The following PRR16 variants were observed in gnomAD, a reference collection of about 807,000 sequenced individuals.
PRR16 encodes protein Largen.
A neutral mutation model predicts 18.2 loss-of-function variants in PRR16; 6 were observed. The observed-to-expected ratio is 0.33, with a 90% CI of 0.18 to 0.65. The LOEUF (loss-of-function observed/expected upper bound fraction) is 0.65. PRR16 is among the 30% of genes least tolerant of loss of function. The pLI, the probability that PRR16 is intolerant of heterozygous loss-of-function variation, is 0.74. For missense variants in PRR16, 412 were observed against 376.6 expected, an observed-to-expected ratio of 1.09 and a Z score of -0.78; for synonymous variants, 151 against 147.8, an observed-to-expected ratio of 1.02 and a Z score of -0.16.
At chr5:120,535,099 G>GT (rs1554081425) in intron 1 of PRR16, among the ~76,000 whole-genome samples, 16 of 151,954 alleles carry the variant, frequency 1.1e-4, no homozygotes, top group South Asian at 4.2e-4. Flanking sequence ...GTGTGTGTGT[G>GT]TGTGTAAAAG....
rs529568723 is a variant in PRR16 at position 120,466,080 on chromosome 5, T to A, written c.159+1435T>A. On this transcript the variant is annotated intron_variant, in intron 1 of 1. Coordinates refer to ENST00000407149, the MANE Select transcript of PRR16 (RefSeq NM_001300783.2). ...AGGTTACTCCACAGACAGAACATAA[T>A]TAGTACTGAGGTCCTGAGAGTGGCT... is the stretch of plus-strand genomic sequence containing the variant. Among the ~76,000 whole-genome samples, 8 of 152,280 alleles carry A rather than the reference T, an allele frequency of 5.3e-5. No homozygotes were observed. In the East Asian group the frequency reaches 9.7e-4, roughly 18 times the overall value.
At chr5:120,776,676 G>A in the PRR16 span, among the ~76,000 whole-genome samples, 1 of 150,630 alleles carries the variant, frequency 6.6e-6, no homozygotes, top group Non-Finnish European at 1.5e-5. Flanking sequence ...TTTCAAAACA[G>A]AGAGATAACA....
At chr5:120,493,935 G>A (rs1376007673) in intron 1 of PRR16, among the ~76,000 whole-genome samples, 1 of 151,986 alleles carries the variant, frequency 6.6e-6, no homozygotes, top group African/African-American at 2.4e-5. Flanking sequence ...ACATTCACCG[G>A]CTGAAGGACA....
chr5:120,473,164 C>G (rs935806237), intron 1 of PRR16, among the ~76,000 whole-genome samples: 8 of 152,058 alleles, frequency 5.3e-5, no homozygotes, highest in African/African-American at 1.9e-4. Flanking sequence ...ACACTGTAGG[C>G]TATTATGAAT....
the PRR16 span, among the ~76,000 whole-genome samples, chr5:120,731,481 T>A: frequency 1.3e-5 from 2 of 152,092 alleles, no homozygotes; most frequent in Non-Finnish European, 2.9e-5. Context: ...ATTATGTTGG[T>A]AATTGCAATC....
the PRR16 span, among the ~76,000 whole-genome samples, chr5:120,756,764 A>G: frequency 6.6e-6 from 1 of 152,000 alleles, no homozygotes; most frequent in Non-Finnish European, 1.5e-5. Context: ...CTGCATTGAT[A>G]GTTTCTTTTG....
chr5:120,608,977 G>A (rs888833844), intron 1 of PRR16, among the ~76,000 whole-genome samples: 2 of 152,108 alleles, frequency 1.3e-5, no homozygotes, highest in African/African-American at 2.4e-5. Context: ...ATTCTGTTAA[G>A]AAAATTAATC....
chr5:120,505,493 G>C (rs1580660501), intron 1 of PRR16, among the ~76,000 whole-genome samples: 1 of 152,120 alleles, frequency 6.6e-6, no homozygotes, highest in Non-Finnish European at 1.5e-5. Context: ...TTGAGTAGTT[G>C]AAACTGAAAT....
chr5:120,632,229 T>C (rs1272350230), intron 1 of PRR16, among the ~76,000 whole-genome samples: 4 of 152,124 alleles, frequency 2.6e-5, no homozygotes, highest in African/African-American at 9.7e-5. Context: ...CAAAAGAATC[T>C]GAACAGCAAC....
chr5:120,560,048 G>A (rs771457489), intron 1 of PRR16, among the ~76,000 whole-genome samples: 7 of 151,708 alleles, frequency 4.6e-5, no homozygotes, highest in Non-Finnish European at 1.0e-4. Context: ...GAGTCTTTAG[G>A]TTTTTCTAAA....
At chr5:120,612,326 T>C (rs551656228) in intron 1 of PRR16, among the ~76,000 whole-genome samples, 2 of 152,166 alleles carry the variant, frequency 1.3e-5, no homozygotes, top group East Asian at 3.9e-4. Context: ...GAAGGCATGA[T>C]TGGTTTTGAA....
At chr5:120,702,792 G>A in the PRR16 span, among the ~76,000 whole-genome samples, 3 of 152,158 alleles carry the variant, frequency 2.0e-5, no homozygotes, top group Non-Finnish European at 4.4e-5. Flanking sequence ...TTGGAGAAGA[G>A]AGTAAGAAGA....
intron 1 of PRR16, among the ~76,000 whole-genome samples, chr5:120,619,688 T>C (rs933960971): frequency 7.3e-4 from 111 of 152,234 alleles, no homozygotes; most frequent in African/African-American, 2.7e-3. Context: ...TATTAAAATA[T>C]AGTAAAGCAG....
chr5:120,496,156 A>G (rs1750238227), intron 1 of PRR16, among the ~76,000 whole-genome samples: 1 of 152,062 alleles, frequency 6.6e-6, no homozygotes, highest in African/African-American at 2.4e-5. Context: ...CATGCTGTAT[A>G]ATTAATTTTG....
downstream of PRR16, among the ~76,000 whole-genome samples, chr5:120,690,650 A>C (rs760031365): frequency 7.9e-5 from 12 of 152,002 alleles, no homozygotes; most frequent in Non-Finnish European, 1.3e-4. Context: ...TCAATGTGTA[A>C]CTGTGACAAG....
At chr5:120,502,498 A>G (rs1386454150) in intron 1 of PRR16, among the ~76,000 whole-genome samples, 1 of 151,780 alleles carries the variant, frequency 6.6e-6, no homozygotes, top group Non-Finnish European at 1.5e-5. Context: ...TATATCTTCT[A>G]TGTGTTTGTG....
At chr5:120,759,330 C>A in the PRR16 span, among the ~76,000 whole-genome samples, 1 of 151,952 alleles carries the variant, frequency 6.6e-6, no homozygotes, top group Non-Finnish European at 1.5e-5. Flanking sequence ...TTCATATCAC[C>A]CCAATAATTT....
At chr5:120,575,827 A>T (rs1203983873) in intron 1 of PRR16, among the ~76,000 whole-genome samples, 1 of 152,174 alleles carries the variant, frequency 6.6e-6, no homozygotes, top group Non-Finnish European at 1.5e-5. Flanking sequence ...CAAAATGTAA[A>T]AACATTCAAA....
chr5:120,590,452 A>G (rs2112772747), intron 1 of PRR16, among the ~76,000 whole-genome samples: 1 of 152,248 alleles, frequency 6.6e-6, no homozygotes, highest in Admixed American at 6.5e-5. Flanking sequence ...ATTTTACTTT[A>G]TACTTATTCT....
Sources: allele counts gnomAD v4.1 joint callset (sites outside exome capture counted in the v4.1 genomes callset), GRCh38; gene constraint gnomAD v4.1.1; transcripts MANE v1.5; gene names NCBI Gene and HGNC (gene_info 2026-07-23, HGNC 2026-07-21).